Variants in RTF2 observed in about 807,000 individuals in gnomAD.
RTF2 encodes the protein replication termination factor 2, also known as UPF0549 protein C20orf43.
A neutral mutation model predicts 38.0 loss-of-function variants in RTF2; 18 were observed. The ratio of observed to expected loss-of-function variants is 0.47; its 90% CI spans 0.33 to 0.70. RTF2 has a LOEUF of 0.70. Ranked by LOEUF, RTF2 falls within the 30% of genes least tolerant of loss-of-function variation. The pLI is 0.02. For synonymous variants in RTF2, 126 were observed against 137.1 expected (o/e 0.92, Z 0.57); for missense variants, 311 against 379.6 (o/e 0.82, Z 1.50).
At chr20:56,468,796 C>G (rs1157477628) in intron 1 of RTF2, 30 bp downstream of exon 1, 1 of 1,544,648 alleles carries the variant, frequency 6.5e-7, no homozygotes, top group Admixed American at 2.0e-5. Flanking sequence ...TCTTGGCGAC[C>G]GGGGGTGGTG....
At chr20:56,472,769 A>G (rs757322978) in intron 1 of RTF2, among the ~76,000 whole-genome samples, 22 of 152,010 alleles carry the variant, frequency 1.4e-4, no homozygotes, top group Admixed American at 2.6e-4. Context: ...AATTTTATAT[A>G]ATCTTCTTTT....
rs1259669111 is a variant in RTF2, at chr20:56,488,907, G to A, written c.477+4718G>A. 2.0e-5 allele frequency among the ~76,000 whole-genome samples: 3 copies of A among 152,084 alleles called. No individual in the cohort carries two copies. The East Asian group carries it at 5.8e-4, about 29-fold the overall frequency. ...GCCTCTCGGCCTCCCTGCCTCTCAAGCCTCCCTGCCTCTCGGCCTCCCCAC... is the reference window on the plus strand; with the variant it reads ...GCCTCTCGGCCTCCCTGCCTCTCAAACCTCCCTGCCTCTCGGCCTCCCCAC... On this transcript the variant is annotated intron_variant, in intron 5 of 8. Coordinates refer to ENST00000357348, the MANE Select transcript of RTF2 (RefSeq NM_016407.5).
rs551800202 is a variant in RTF2 at position 56,513,224 on chromosome 20, G to A, written c.478-91G>A. The A allele has an allele frequency of 2.1e-5, 32 of 1,493,402 alleles. No homozygotes were observed. The African/African-American group carries it at 3.6e-4, about 17-fold the overall frequency. 92.5% of individuals were successfully genotyped at this position (1,493,402 alleles called of 1,614,324 possible). ...ATAGGAATTTACTCGGAGCCTGGGG[G>A]CCACTGCTTGGGGCTGAGAGTGGGG... On this transcript the variant is annotated intron_variant, in intron 5 of 8. Transcript: ENST00000357348.
chr20:56,486,630 C>T (rs1982806817), intron 5 of RTF2, among the ~76,000 whole-genome samples: 2 of 152,014 alleles, frequency 1.3e-5, no homozygotes, highest in Non-Finnish European at 2.9e-5. Context: ...GCCTGGGTGA[C>T]AGAGTGAGAC....
At chr20:56,507,022 T>G (rs1984324632) in intron 5 of RTF2, among the ~76,000 whole-genome samples, 1 of 152,112 alleles carries the variant, frequency 6.6e-6, no homozygotes, top group Non-Finnish European at 1.5e-5. Context: ...TTTTAACCAT[T>G]TCACCCATTC....
intron 5 of RTF2, among the ~76,000 whole-genome samples, chr20:56,507,365 A>G (rs1333861083): frequency 6.6e-6 from 1 of 151,924 alleles, no homozygotes; most frequent in African/African-American, 2.4e-5. Context: ...AGTTGGGAGG[A>G]CTCTGCCCAG....
At chr20:56,491,722 C>T (rs995266466) in intron 5 of RTF2, 12 of 1,552,032 alleles carry the variant, frequency 7.7e-6, no homozygotes, top group African/African-American at 1.4e-5. Context: ...ACAGAGAAGG[C>T]GACTGAATGA....
At chr20:56,481,883 C>T (rs145072856) in intron 4 of RTF2, among the ~76,000 whole-genome samples, 2 of 152,270 alleles carry the variant, frequency 1.3e-5, no homozygotes, top group East Asian at 3.9e-4. Flanking sequence ...TAGAATCATA[C>T]AATATGTAAC....
intron 5 of RTF2, chr20:56,495,307 A>G: frequency 6.5e-7 from 1 of 1,544,538 alleles, no homozygotes; most frequent in Non-Finnish European, 8.8e-7. Context: ...TCTAAGAGGA[A>G]AACAAAACCA....
chr20:56,478,772 T>G (rs1015106808), intron 4 of RTF2, among the ~76,000 whole-genome samples: 1 of 152,204 alleles, frequency 6.6e-6, no homozygotes, highest in Non-Finnish European at 1.5e-5. Context: ...TGATTGACTC[T>G]TTCATGAAAG....
intron 4 of RTF2, among the ~76,000 whole-genome samples, chr20:56,480,081 C>G (rs1313254697): frequency 6.6e-6 from 1 of 152,074 alleles, no homozygotes; most frequent in Non-Finnish European, 1.5e-5. Context: ...ATTACTTCTC[C>G]TTTTTAGCAG....
intron 5 of RTF2, among the ~76,000 whole-genome samples, chr20:56,494,882 A>G (rs1294953980): frequency 6.6e-6 from 1 of 152,184 alleles, no homozygotes; most frequent in Non-Finnish European, 1.5e-5. Flanking sequence ...CAGTTATTGT[A>G]TCTCTGTGCA....
chr20:56,491,022 C>T (rs1983093421), intron 5 of RTF2, among the ~76,000 whole-genome samples: 1 of 152,122 alleles, frequency 6.6e-6, no homozygotes, highest in Non-Finnish European at 1.5e-5. Context: ...CTTGGGGCAC[C>T]CTTTTTAACA....
At chr20:56,486,992 CAGA>C (rs1320930120) in intron 5 of RTF2, among the ~76,000 whole-genome samples, 1 of 152,122 alleles carries the variant, frequency 6.6e-6, no homozygotes, top group East Asian at 1.9e-4. Flanking sequence ...CTTCGAATGC[CAGA>C]AGGAGGAGCA....
intron 6 of RTF2, 135 bp downstream of exon 6, chr20:56,513,563 TGTA>T: frequency 8.9e-7 from 1 of 1,120,404 alleles, no homozygotes; most frequent in Non-Finnish European, 1.2e-6. Context: ...GGGCCTGGAC[TGTA>T]GAAGCAGATT....
intron 5 of RTF2, among the ~76,000 whole-genome samples, chr20:56,510,817 A>G (rs1363093486): frequency 6.6e-6 from 1 of 152,100 alleles, no homozygotes; most frequent in Non-Finnish European, 1.5e-5. Context: ...GCGCACACCT[A>G]TAGCCCTAGC....
intron 5 of RTF2, among the ~76,000 whole-genome samples, chr20:56,486,816 T>TG (rs369554838): frequency 2.1e-3 from 323 of 152,012 alleles, no homozygotes; most frequent in African/African-American, 7.5e-3. Context: ...GATTGGTTAG[T>TG]GGGGGAAAGA....
intron 1 of RTF2, among the ~76,000 whole-genome samples, chr20:56,469,929 T>C (rs898610766): frequency 2.0e-5 from 3 of 152,216 alleles, no homozygotes; most frequent in Non-Finnish European, 4.4e-5. Context: ...AGTTTTTTAC[T>C]CAAATGTCAT....
At position 56,482,690 on chromosome 20, in the gene RTF2, G is replaced by A. The variant is rs1203135882; in HGVS notation, c.399-1421G>A. ...CTAAACAACATTCAGTGAATTTAGT[G>A]CAGTGTTATGAACTGGATTTTGGTT... On this transcript the variant is annotated intron_variant, in intron 4 of 8. Coordinates refer to ENST00000357348, the MANE Select transcript of RTF2 (RefSeq NM_016407.5). Among the ~76,000 whole-genome samples the A allele has an allele frequency of 5.3e-5, 8 of 152,372 alleles. 1 individual carries two copies. The highest frequency in any genetic ancestry group is 3.9e-4 in the Admixed American group (6 of 15,308).
Sources: allele counts gnomAD v4.1 joint callset (sites outside exome capture counted in the v4.1 genomes callset), GRCh38; gene constraint gnomAD v4.1.1; transcripts MANE v1.5; gene names NCBI Gene and HGNC (gene_info 2026-07-23, HGNC 2026-07-21).